NXPE1: variants seen among roughly 807,000 people sequenced by gnomAD.
The protein encoded by NXPE1 is neurexophilin and PC-esterase domain family member 1.
A neutral mutation model predicts 33.3 loss-of-function variants in NXPE1; 31 were observed. The observed-to-expected ratio is 0.93, with a 90% CI of 0.70 to 1.26. NXPE1 has a LOEUF of 1.26. NXPE1 is among the 50% of genes most tolerant of loss of function. The pLI is 0.00. For synonymous variants in NXPE1, 229 were observed against 231.4 expected (o/e 0.99, Z 0.09); for missense variants, 661 against 655.6 (o/e 1.01, Z -0.09).
At chr11:114,548,063 A>AG (rs1406750559) in intron 5 of NXPE1, among the ~76,000 whole-genome samples, 2 of 152,322 alleles carry the variant, frequency 1.3e-5, no homozygotes, top group Admixed American at 6.5e-5. Context: ...GTATCTGATA[A>AG]GGTAACATTC....
chr11:114,536,702 G>C (rs1234707279), intron 5 of NXPE1, among the ~76,000 whole-genome samples: 4 of 152,122 alleles, frequency 2.6e-5, no homozygotes, highest in African/African-American at 9.7e-5. Flanking sequence ...TAAATTCCTT[G>C]ACACATACAC....
At chr11:114,522,919 T>C (rs750021420) in exon 8 of NXPE1, 4 of 1,613,306 alleles carry the variant, frequency 2.5e-6, no homozygotes, top group Non-Finnish European at 3.4e-6. Context: ...ACTGACGTAG[T>C]GTAGAGTCTC....
intron 7 of NXPE1, among the ~76,000 whole-genome samples, chr11:114,525,376 T>A (rs935339526): frequency 6.6e-6 from 1 of 151,936 alleles, no homozygotes; most frequent in Non-Finnish European, 1.5e-5. Context: ...AAGCAGAAGA[T>A]ATAAAAAGAA....
downstream of NXPE1, among the ~76,000 whole-genome samples, chr11:114,519,035 C>T (rs1199169795): frequency 6.6e-6 from 1 of 151,992 alleles, no homozygotes; most frequent in African/African-American, 2.4e-5. Context: ...CTTATAAGAC[C>T]ACAACCATTA....
rs563402689 is a variant in NXPE1 at position 114,559,643 on chromosome 11, G to A, written c.-211+155C>T. ...TTTTGTTTCCCACACTTTCTTCTGAGCTTTCTCCCTTTTCTTATCTTTCTC... is the reference window on the plus strand; with the variant it reads ...TTTTGTTTCCCACACTTTCTTCTGAACTTTCTCCCTTTTCTTATCTTTCTC... On this transcript the variant is annotated intron_variant, in intron 1 of 8. Coordinates refer to ENST00000534921, the Ensembl canonical transcript of NXPE1. Among the ~76,000 whole-genome samples, 123 of 152,012 alleles carry A rather than the reference G, an allele frequency of 8.1e-4. 3 individuals carry two copies. In the South Asian group the frequency reaches 0.025, roughly 31 times the overall value.
rs1947891531 is a variant in NXPE1 at position 114,537,705 on chromosome 11, C to A, written c.100-6797G>T. On this transcript the variant is annotated intron_variant, in intron 5 of 8. Coordinates refer to ENST00000534921, the Ensembl canonical transcript of NXPE1. ...AATTGCTTCAAAGAGAATAAAATAC[C>A]TAGGAATCCAACTTACAAGGGATGT... is the stretch of plus-strand genomic sequence containing the variant. Among the ~76,000 whole-genome samples the A allele has an allele frequency of 9.9e-5, 15 of 151,958 alleles. 1 individual carries two copies. Among genetic ancestry groups the A allele is most frequent in the Admixed American group, 9.8e-4 (15 of 15,252 alleles).
intron 5 of NXPE1, among the ~76,000 whole-genome samples, chr11:114,539,076 C>G (rs1271214495): frequency 2.0e-5 from 3 of 152,260 alleles, no homozygotes; most frequent in East Asian, 3.9e-4. Flanking sequence ...AAATGTGGCA[C>G]ATATACACAT....
At chr11:114,542,874 T>C (rs1266496000) in intron 5 of NXPE1, among the ~76,000 whole-genome samples, 1 of 152,156 alleles carries the variant, frequency 6.6e-6, no homozygotes, top group East Asian at 1.9e-4. Flanking sequence ...TGAATATATA[T>C]GATTATAACA....
At chr11:114,541,522 A>T (rs1038991416) in intron 5 of NXPE1, among the ~76,000 whole-genome samples, 2 of 152,244 alleles carry the variant, frequency 1.3e-5, no homozygotes, top group African/African-American at 4.8e-5. Context: ...GACACGTGAC[A>T]CAGCCGTCAG....
chr11:114,522,286 A>G lies in NXPE1; in HGVS notation c.1326T>C (p.Phe442=). ...TAAAAATGTCAATGGGAAATGGTCT[A>G]AAGTGCTGGCCAAAGGTGATGACGA... Residue 442 remains phenylalanine (F), a synonymous_variant, in exon 9 of 9, where the codon TTT becomes TTC. Transcript: ENST00000534921. 3 of 1,614,082 alleles carry G rather than the reference A, an allele frequency of 1.9e-6. No homozygotes were observed. The East Asian group carries it at 6.7e-5, about 36-fold the overall frequency.
rs114938775 is a variant in NXPE1, at chr11:114,522,994, G to T, written c.993C>A (p.Asn331Lys). 204 of 1,612,828 alleles carry T rather than the reference G, an allele frequency of 1.3e-4. No individual in the cohort carries two copies. In the African/African-American group the frequency reaches 2.2e-3, roughly 17 times the overall value. ...TCTTAATTGTGTCTAACTGAACCTG[G>T]TTGCAAAATGTTGTTATCCATTTTC... Residue 331 changes from asparagine to lysine, a missense_variant, in exon 8 of 9, where the codon AAC (asparagine) becomes AAA (lysine). Transcript: ENST00000534921.
chr11:114,534,549 T>C (rs1032601677), intron 5 of NXPE1, among the ~76,000 whole-genome samples: 2 of 152,194 alleles, frequency 1.3e-5, no homozygotes, highest in Admixed American at 1.3e-4. Flanking sequence ...AAAAATTAGA[T>C]GAATGGATAA....
At chr11:114,535,920 C>A (rs1191793690) in intron 5 of NXPE1, among the ~76,000 whole-genome samples, 1 of 152,266 alleles carries the variant, frequency 6.6e-6, no homozygotes, top group East Asian at 1.9e-4. Context: ...CTCAGCTCTG[C>A]ACCAAGCAGA....
chr11:114,546,431 T>C (rs1948285488), intron 5 of NXPE1, among the ~76,000 whole-genome samples: 1 of 151,942 alleles, frequency 6.6e-6, no homozygotes, highest in South Asian at 2.1e-4. Context: ...TATGCATGTA[T>C]TACTGGCTAG....
chr11:114,527,944 C>A, intron 6 of NXPE1, 43 bp from the exon 7 acceptor site: 1 of 1,440,422 alleles, frequency 6.9e-7, no homozygotes, highest in Non-Finnish European at 9.6e-7. Context: ...TGCTCTCTGC[C>A]CATGTAACAC....
chr11:114,556,452 C>G (rs1210969954), intron 1 of NXPE1, among the ~76,000 whole-genome samples: 1 of 152,056 alleles, frequency 6.6e-6, no homozygotes, highest in Non-Finnish European at 1.5e-5. Context: ...TAAGGCCTTT[C>G]TCCTGGAATT....
chr11:114,548,831 C>T (rs764848426), intron 5 of NXPE1, among the ~76,000 whole-genome samples: 21 of 151,010 alleles, frequency 1.4e-4, no homozygotes, highest in Non-Finnish European at 2.8e-4. Flanking sequence ...CATTAAAATA[C>T]AGAAAAATAG....
intron 5 of NXPE1, among the ~76,000 whole-genome samples, chr11:114,548,386 G>T (rs1292888073): frequency 6.6e-6 from 1 of 151,998 alleles, no homozygotes; most frequent in African/African-American, 2.4e-5. Context: ...AGGAACATAT[G>T]AAACCTTTAC....
At chr11:114,547,112 T>C (rs1007825878) in intron 5 of NXPE1, among the ~76,000 whole-genome samples, 8 of 152,210 alleles carry the variant, frequency 5.3e-5, no homozygotes, top group African/African-American at 1.9e-4. Context: ...GTGACCTCTT[T>C]TGAAAGAGTA....
Sources: allele counts gnomAD v4.1 joint callset (sites outside exome capture counted in the v4.1 genomes callset), GRCh38; gene constraint gnomAD v4.1.1; transcripts MANE v1.5; gene names NCBI Gene and HGNC (gene_info 2026-07-23, HGNC 2026-07-21).